TEX9: variants seen among roughly 807,000 people sequenced by gnomAD.
The protein encoded by TEX9 is testis expressed 9.
TEX9 carries 74 observed loss-of-function variants against 59.6 expected under a neutral mutation model. That is an observed-to-expected ratio of 1.24 (90% CI 1.03 to 1.51). TEX9 has a LOEUF of 1.51. TEX9 is among the 40% of genes most tolerant of loss of function. The pLI, the probability that TEX9 is intolerant of heterozygous loss-of-function variation, is 0.00. For synonymous variants in TEX9, 186 were observed against 152.2 expected (o/e 1.22, Z -1.64); for missense variants, 522 against 447.8 (o/e 1.17, Z -1.49).
At chr15:56,430,673 A>G (rs933756404) in intron 12 of TEX9, among the ~76,000 whole-genome samples, 3 of 152,132 alleles carry the variant, frequency 2.0e-5, no homozygotes, top group Admixed American at 6.5e-5. Context: ...ACCAGTGACA[A>G]TGTTTTCATA....
At chr15:56,373,941 A>C (rs1255454546) in intron 3 of TEX9, among the ~76,000 whole-genome samples, 1 of 152,142 alleles carries the variant, frequency 6.6e-6, no homozygotes, top group Non-Finnish European at 1.5e-5. Context: ...TTCATGCCTT[A>C]TACAAATCCA....
chr15:56,255,012 A>G (rs1181265367), intron 1 of TEX9, among the ~76,000 whole-genome samples: 7 of 152,070 alleles, frequency 4.6e-5, no homozygotes, highest in African/African-American at 1.4e-4. Context: ...AGCATTCAAG[A>G]ATCAGTGGAG....
intron 12 of TEX9, among the ~76,000 whole-genome samples, chr15:56,442,427 A>G (rs1429183895): frequency 6.6e-6 from 1 of 152,206 alleles, no homozygotes; most frequent in African/African-American, 2.4e-5. Context: ...TACCATAATG[A>G]CACATGCATG....
rs1269329402 is a variant in TEX9, at chr15:56,358,787, T to C, written c.-106-14654T>C. On this transcript the variant is annotated intron_variant, in intron 1 of 5. Transcript: ENST00000560827. ...GACGTGGTGGGAGGTGATTGAATCA[T>C]GGGAGTGGTGTCCCCCATGCTGTTC... Among the ~76,000 whole-genome samples the C allele has an allele frequency of 4.6e-5, 7 of 152,290 alleles. No homozygotes were observed. The Middle Eastern group carries it at 0.01, about 222-fold the overall frequency.
chr15:56,304,707 G>A (rs1215511837), intron 1 of TEX9, among the ~76,000 whole-genome samples: 1 of 152,032 alleles, frequency 6.6e-6, no homozygotes, highest in Non-Finnish European at 1.5e-5. Context: ...AGAGATATGG[G>A]CCTGTAATTT....
the TEX9 span, among the ~76,000 whole-genome samples, chr15:56,458,735 C>G: frequency 6.6e-6 from 1 of 152,150 alleles, no homozygotes; most frequent in African/African-American, 2.4e-5. Context: ...GCTTCTTTCA[C>G]TTAGTAATAT....
At chr15:56,459,933 T>C in the TEX9 span, among the ~76,000 whole-genome samples, 1 of 136,488 alleles carries the variant, frequency 7.3e-6, no homozygotes, top group Non-Finnish European at 1.5e-5. Context: ...GAGGTTGTGG[T>C]GAGCCAAAAT....
chr15:56,253,284 C>G (rs996805932), intron 1 of TEX9, among the ~76,000 whole-genome samples: 4 of 151,778 alleles, frequency 2.6e-5, no homozygotes, highest in Non-Finnish European at 4.4e-5. Context: ...TTTGCCTACA[C>G]CAAGCAAAAA....
the TEX9 span, among the ~76,000 whole-genome samples, chr15:56,453,093 C>G: frequency 6.6e-6 from 1 of 152,004 alleles, no homozygotes; most frequent in Non-Finnish European, 1.5e-5. Context: ...TTCTTTGTTT[C>G]CAGGTGAATA....
intron 1 of TEX9, among the ~76,000 whole-genome samples, chr15:56,341,232 G>A (rs974135634): frequency 6.6e-6 from 1 of 151,936 alleles, no homozygotes; most frequent in Non-Finnish European, 1.5e-5. Context: ...AAGCATTCAT[G>A]GTGCTTAGCA....
intron 1 of TEX9, among the ~76,000 whole-genome samples, chr15:56,308,781 G>A (rs767909944): frequency 2.0e-5 from 3 of 152,106 alleles, no homozygotes; most frequent in Admixed American, 6.5e-5. Context: ...GCATCCAGTT[G>A]CCCCAGGACG....
At chr15:56,434,856 C>T (rs992513869) in intron 12 of TEX9, among the ~76,000 whole-genome samples, 1 of 152,002 alleles carries the variant, frequency 6.6e-6, no homozygotes, top group African/African-American at 2.4e-5. Context: ...TCTAATATTC[C>T]CTTCATTCTC....
chr15:56,455,265 A>C, the TEX9 span, among the ~76,000 whole-genome samples: 39,671 of 143,546 alleles, frequency 0.28, 5,499 homozygotes, highest in Middle Eastern at 0.45. Context: ...AAAAAAAAAA[A>C]AAAAAACCAT....
chr15:56,284,155 TCTC>T (rs775183746), intron 1 of TEX9, among the ~76,000 whole-genome samples: 30 of 152,270 alleles, frequency 2.0e-4, no homozygotes, highest in South Asian at 4.1e-4. Flanking sequence ...TAATTACACT[TCTC>T]CTTTTTTTTC....
intron 1 of TEX9, among the ~76,000 whole-genome samples, chr15:56,247,354 GT>G (rs1263128688): frequency 2.0e-5 from 3 of 152,206 alleles, no homozygotes; most frequent in Non-Finnish European, 2.9e-5. Context: ...ATATCCACTA[GT>G]GTTGTGGAGT....
At chr15:56,437,072 A>G (rs2050738290) in intron 12 of TEX9, among the ~76,000 whole-genome samples, 1 of 152,232 alleles carries the variant, frequency 6.6e-6, no homozygotes, top group Admixed American at 6.5e-5. Context: ...CAATCAATAG[A>G]AAAAGAGGGA....
At chr15:56,428,462 G>C (rs766367298) in exon 12 of TEX9, 4 of 1,575,848 alleles carry the variant, frequency 2.5e-6, no homozygotes, top group Non-Finnish European at 3.5e-6. Context: ...ACTTCAGTTA[G>C]TCTCTATGAC....
At chr15:56,433,736 G>GA (rs1291170899) in intron 12 of TEX9, among the ~76,000 whole-genome samples, 5 of 152,098 alleles carry the variant, frequency 3.3e-5, no homozygotes, top group African/African-American at 1.2e-4. Context: ...GCTTCCCTTA[G>GA]AAAAGCCCAC....
intron 1 of TEX9, among the ~76,000 whole-genome samples, chr15:56,277,182 A>C (rs2044691070): frequency 6.6e-6 from 1 of 151,896 alleles, no homozygotes; most frequent in African/African-American, 2.4e-5. Flanking sequence ...GTTTAATTAG[A>C]TCCCATTTGT....
Sources: allele counts gnomAD v4.1 joint callset (sites outside exome capture counted in the v4.1 genomes callset), GRCh38; gene constraint gnomAD v4.1.1; transcripts MANE v1.5; gene names NCBI Gene and HGNC (gene_info 2026-07-23, HGNC 2026-07-21).